TEX14: variants seen among roughly 807,000 people sequenced by gnomAD.
The protein encoded by TEX14 is inactive serine/threonine-protein kinase TEX14.
TEX14 carries 168 observed loss-of-function variants against 178.6 expected under a neutral mutation model. The observed-to-expected ratio is 0.94, with a 90% CI of 0.83 to 1.07. The LOEUF is 1.07. Ranked by LOEUF, TEX14 falls within the 50% of genes least tolerant of loss-of-function variation. The pLI, the probability that TEX14 is intolerant of heterozygous loss-of-function variation, is 0.00. For synonymous variants in TEX14, 626 were observed against 634.1 expected (o/e 0.99, Z 0.19); for missense variants, 1,730 against 1,753.6 (o/e 0.99, Z 0.24).
chr17:58,631,480 C>T (rs1436880671), intron 2 of TEX14, among the ~76,000 whole-genome samples: 1 of 152,062 alleles, frequency 6.6e-6, no homozygotes, highest in Non-Finnish European at 1.5e-5. Flanking sequence ...TCACATCTCT[C>T]AAAACACACA....
chr17:58,569,655 CTAAA>C lies in TEX14; in HGVS notation c.3818-399_3818-396del, dbSNP rs2044477045. On this transcript the variant is annotated intron_variant, in intron 25 of 31. Coordinates refer to ENST00000349033, the MANE Select transcript of TEX14 (RefSeq NM_031272.5). The surrounding 1 kb of genome is among the most constrained non-coding windows in gnomAD (Gnocchi z 4.1). ...AAAGCACAAAGTAGGAGGCCTTTAA[CTAAA>C]TATTATCAGGCCAGGGGATTTAGAG... Among the ~76,000 whole-genome samples the C allele has an allele frequency of 1.3e-5, 2 of 152,202 alleles. No homozygotes were observed. The highest frequency in any genetic ancestry group is 1.3e-4 in the Admixed American group (2 of 15,270).
chr17:58,582,492 C>T (rs566698279), intron 19 of TEX14, among the ~76,000 whole-genome samples: 94 of 151,574 alleles, frequency 6.2e-4, no homozygotes, highest in African/African-American at 2.0e-3. Flanking sequence ...CTCCTGACTT[C>T]GTGATCTGCC....
At position 58,569,777 on chromosome 17, in the gene TEX14, G is replaced by GAAATTCCAAGAGTTATACC; in HGVS notation, c.3818-536_3818-518dup. On this transcript the variant is annotated intron_variant, in intron 25 of 31. Coordinates refer to ENST00000349033, the MANE Select transcript of TEX14 (RefSeq NM_031272.5). This position sits in a 1 kb window ranked among gnomAD's most constrained non-coding sequence, Gnocchi z 4.1. Reference sequence around the variant, plus strand: ...TCACAAAATCCCTATCCCCCTGAGGGAAATTCCAAGAGTTATACCAAAGAC... The same window carrying GAAATTCCAAGAGTTATACC: ...TCACAAAATCCCTATCCCCCTGAGGGAAATTCCAAGAGTTATACCAAATTCCAAGAGTTATACCAAAGAC... Among the ~76,000 whole-genome samples the GAAATTCCAAGAGTTATACC allele has an allele frequency of 6.6e-6, 1 of 152,248 alleles. No homozygotes were observed. Among genetic ancestry groups the GAAATTCCAAGAGTTATACC allele is most frequent in the South Asian group, 2.1e-4 (1 of 4,816 alleles).
intron 15 of TEX14, among the ~76,000 whole-genome samples, chr17:58,592,088 A>G (rs1361058863): frequency 5.9e-5 from 9 of 151,870 alleles, no homozygotes; most frequent in Admixed American, 5.9e-4. Flanking sequence ...AAGAAAAAAA[A>G]ATTATTGCCC....
At chr17:58,625,031 A>C (rs1206346272) in intron 3 of TEX14, among the ~76,000 whole-genome samples, 1 of 152,218 alleles carries the variant, frequency 6.6e-6, no homozygotes, top group African/African-American at 2.4e-5. Flanking sequence ...CTGGGCAGAG[A>C]AGCAGTCCAG....
intron 13 of TEX14, among the ~76,000 whole-genome samples, chr17:58,601,317 T>C (rs1407640085): frequency 3.3e-5 from 5 of 151,778 alleles, no homozygotes; most frequent in African/African-American, 4.8e-5. Flanking sequence ...GGTCAGGAAA[T>C]CGAGACCATC....
intron 11 of TEX14, among the ~76,000 whole-genome samples, chr17:58,603,120 T>C (rs1392152383): frequency 6.6e-6 from 1 of 151,798 alleles, no homozygotes; most frequent in Non-Finnish European, 1.5e-5. Context: ...ACTTTACTCA[T>C]TTACCAGAGA....
At chr17:58,633,056 TC>T (rs2046358397) in intron 2 of TEX14, among the ~76,000 whole-genome samples, 1 of 152,154 alleles carries the variant, frequency 6.6e-6, no homozygotes, top group African/African-American at 2.4e-5. Flanking sequence ...AGTCCATCTC[TC>T]AAGTCTCATT....
chr17:58,645,313 T>C (rs561640084), intron 2 of TEX14, among the ~76,000 whole-genome samples: 9 of 151,886 alleles, frequency 5.9e-5, no homozygotes, highest in Admixed American at 1.3e-4. Context: ...AACAAAATTA[T>C]AAAATTATAT....
At chr17:58,676,767 C>T (rs1598435372) in intron 1 of TEX14, among the ~76,000 whole-genome samples, 2 of 152,090 alleles carry the variant, frequency 1.3e-5, no homozygotes, top group East Asian at 3.9e-4. Context: ...GGGAGGATCA[C>T]TTGAGGCCAA....
intron 14 of TEX14, among the ~76,000 whole-genome samples, chr17:58,594,040 G>T (rs770859735): frequency 6.6e-6 from 1 of 152,022 alleles, no homozygotes; most frequent in Non-Finnish European, 1.5e-5. Context: ...TCACCATGTT[G>T]GCCAGGATGG....
Position 58,631,277 on chromosome 17 carries a change from C to T in TEX14, c.137-723G>A, listed in dbSNP as rs139620185. On this transcript the variant is annotated intron_variant, in intron 2 of 31. Coordinates refer to ENST00000349033, the MANE Select transcript of TEX14 (RefSeq NM_031272.5). The stretch of plus-strand genomic sequence containing the variant: ...AAGAGCTCGAGACCAACCTGGCCAA[C>T]AAGGCGAAATCTCCTCTCTACTAAA... The T allele has an allele frequency of 1.7e-3, 354 of 205,412 alleles. 2 individuals carry two copies. Among genetic ancestry groups the T allele is most frequent in the Middle Eastern group, 0.013 (5 of 386 alleles). The allele number at this position is 205,412 out of a possible 1,614,324, so 12.7% of individuals were successfully genotyped here.
At chr17:58,621,465 C>A (rs2045994970) in intron 5 of TEX14, among the ~76,000 whole-genome samples, 185 bp downstream of exon 5, 1 of 152,154 alleles carries the variant, frequency 6.6e-6, no homozygotes, top group Non-Finnish European at 1.5e-5. Context: ...AGAGAGAGGG[C>A]GAAAGGTGAT....
At chr17:58,630,390 T>A in intron 3 of TEX14, 50 bp downstream of exon 3, 4 of 1,379,742 alleles carry the variant, frequency 2.9e-6, no homozygotes, top group Non-Finnish European at 3.1e-6. Context: ...AACAAACTCA[T>A]CTTAACAGCA....
intron 1 of TEX14, among the ~76,000 whole-genome samples, chr17:58,662,138 G>T (rs928485512): frequency 2.0e-5 from 3 of 150,582 alleles, no homozygotes; most frequent in Admixed American, 6.6e-5. Context: ...ACCACGCCTG[G>T]CCTAAAACTC....
chr17:58,614,346 C>T (rs2144523983), intron 8 of TEX14, among the ~76,000 whole-genome samples: 1 of 152,154 alleles, frequency 6.6e-6, no homozygotes, highest in East Asian at 1.9e-4. Flanking sequence ...AAAAGTTAGC[C>T]AGGTGTAGTG....
intron 10 of TEX14, among the ~76,000 whole-genome samples, chr17:58,610,492 G>C (rs1364477847): frequency 6.6e-6 from 1 of 152,212 alleles, no homozygotes; most frequent in Non-Finnish European, 1.5e-5. Context: ...AGGCCTGAAA[G>C]GTGGTGAAGC....
chr17:58,661,581 C>T (rs1469365318), intron 1 of TEX14: 2 of 730,654 alleles, frequency 2.7e-6, no homozygotes, highest in African/African-American at 1.8e-5. Flanking sequence ...GGCAGGAACT[C>T]GTCTTCAGCA....
chr17:58,684,478 T>C (rs949021424), intron 1 of TEX14, among the ~76,000 whole-genome samples: 42 of 148,256 alleles, frequency 2.8e-4, no homozygotes, highest in African/African-American at 1.0e-3. Flanking sequence ...AAAAAAAAAT[T>C]GCTTCCATAT....
Sources: gnomAD v4.1 joint callset for allele counts (sites outside exome capture counted in the v4.1 genomes callset) on GRCh38, gnomAD v4.1.1 for gene constraint, Gnocchi (gnomAD v3.1) non-coding constraint, MANE v1.5 for transcripts, NCBI Gene and HGNC (gene_info 2026-07-23, HGNC 2026-07-21) for gene names.